The following SESN1 variants were observed in gnomAD, a reference collection of about 807,000 sequenced individuals.
The protein encoded by SESN1 is sestrin 1, also known as sestrin-1.
In SESN1, 30 loss-of-function variants were observed where a neutral mutation model predicts 59.3. That is an observed-to-expected ratio of 0.51 (90% CI 0.38 to 0.69). SESN1 has a LOEUF of 0.69. Among genes scored for constraint, SESN1 ranks in the 30% least tolerant of loss-of-function variants. The pLI, the probability that SESN1 is intolerant of heterozygous loss-of-function variation, is 0.00. For synonymous variants in SESN1, 197 were observed against 219.9 expected, an observed-to-expected ratio of 0.90 and a Z score of 0.92; for missense variants, 566 against 673.0, an observed-to-expected ratio of 0.84 and a Z score of 1.76.
intron 1 of SESN1, among the ~76,000 whole-genome samples, chr6:109,083,011 G>A (rs769446991): frequency 1.3e-5 from 2 of 152,022 alleles, no homozygotes; most frequent in Admixed American, 1.3e-4. Flanking sequence ...CAAACCCACT[G>A]TATGAAGTAT....
intron 1 of SESN1, among the ~76,000 whole-genome samples, chr6:109,052,988 T>G (rs1780567381): frequency 6.6e-6 from 1 of 152,072 alleles, no homozygotes. Context: ...ATGTTAGGAA[T>G]AAGAGGTATA....
intron 7 of SESN1, 83 bp from the exon 8 acceptor site, chr6:108,990,918 C>T (rs1779362598): frequency 4.1e-6 from 5 of 1,228,378 alleles, no homozygotes; most frequent in Non-Finnish European, 5.6e-6. Flanking sequence ...TGGTAAAAAT[C>T]ATTGTCATTT....
At chr6:109,044,311 C>CAAAAAAAAAAAAAAAAAAAAAAAAAAA (rs71015570) in intron 1 of SESN1, among the ~76,000 whole-genome samples, 2 of 28,458 alleles carry the variant, frequency 7.0e-5, no homozygotes, top group Non-Finnish European at 1.1e-4. Context: ...GAACTTGCCT[C>CAAAAAAAAAAAAAAAAAAAAAAAAAAA]AAAAAAAAAA....
chr6:109,046,035 A>G (rs1401816986), intron 1 of SESN1, among the ~76,000 whole-genome samples: 1 of 152,242 alleles, frequency 6.6e-6, no homozygotes, highest in Non-Finnish European at 1.5e-5. Context: ...ACTTTGGAAC[A>G]TAAGTAAAAA....
intron 1 of SESN1, among the ~76,000 whole-genome samples, chr6:109,081,338 T>G (rs1781119000): frequency 2.0e-5 from 3 of 152,200 alleles, no homozygotes; most frequent in Admixed American, 2.0e-4. Flanking sequence ...AACCCTGGGA[T>G]CACAGGTGTG....
chr6:109,052,448 T>C (rs1780555976), intron 1 of SESN1, among the ~76,000 whole-genome samples: 1 of 152,198 alleles, frequency 6.6e-6, no homozygotes, highest in Non-Finnish European at 1.5e-5. Context: ...AACACACTGG[T>C]ATATTTACTT....
chr6:108,989,375 C>G (rs1254767675), intron 8 of SESN1, among the ~76,000 whole-genome samples: 1 of 151,816 alleles, frequency 6.6e-6, no homozygotes, highest in Non-Finnish European at 1.5e-5. Flanking sequence ...GTTATTGGTA[C>G]TAGTACTTTC....
At chr6:109,048,581 G>C (rs1288992223) in intron 1 of SESN1, among the ~76,000 whole-genome samples, 1 of 152,156 alleles carries the variant, frequency 6.6e-6, no homozygotes, top group African/African-American at 2.4e-5. Flanking sequence ...CCTCTGAGAG[G>C]AGTGAACTCC....
chr6:109,000,346 C>A, intron 4 of SESN1, 145 bp downstream of exon 4: 1 of 521,840 alleles, frequency 1.9e-6, no homozygotes, highest in Non-Finnish European at 3.2e-6. Context: ...AATGCTGTAA[C>A]AGAAGAAAAT....
At chr6:109,085,872 A>G (rs951023042) in intron 1 of SESN1, among the ~76,000 whole-genome samples, 4 of 152,184 alleles carry the variant, frequency 2.6e-5, no homozygotes, top group Admixed American at 2.6e-4. Context: ...CACTTTAAGC[A>G]CGCTGCCCTC....
intron 1 of SESN1, among the ~76,000 whole-genome samples, chr6:109,023,301 C>A (rs540054781): frequency 9.9e-5 from 15 of 152,174 alleles, no homozygotes; most frequent in Non-Finnish European, 2.2e-4. Flanking sequence ...ATTAAGGACA[C>A]ATTATCATAA....
Position 108,998,758 on chromosome 6 carries a change from T to C in SESN1, c.730-3A>G. ...TGCTCTTCAGCTTTTAAAAGTCCCT[T>C]AGGGGGAAAAAAAAAAAGAATATAT... On this transcript the variant is annotated splice_region_variant and splice_polypyrimidine_tract_variant and intron_variant, in intron 4 of 9. Coordinates refer to ENST00000436639, the MANE Select transcript of SESN1 (RefSeq NM_014454.3). The C allele has an allele frequency of 6.3e-7, 1 of 1,596,296 alleles. No individual in the cohort carries two copies. The highest frequency in any genetic ancestry group is 8.5e-7 in the Non-Finnish European group (1 of 1,170,474).
intron 1 of SESN1, among the ~76,000 whole-genome samples, chr6:109,005,571 A>G (rs1779715810): frequency 6.6e-6 from 1 of 152,222 alleles, no homozygotes; most frequent in African/African-American, 2.4e-5. Flanking sequence ...TAGGTTTACA[A>G]TTCCAAGAAG....
chr6:109,052,453 T>C (rs1224544912), intron 1 of SESN1, among the ~76,000 whole-genome samples: 2 of 152,214 alleles, frequency 1.3e-5, no homozygotes, highest in Admixed American at 6.5e-5. Context: ...ACTGGTATAT[T>C]TACTTTCAGT....
At chr6:109,077,759 A>G (rs1781054676) in intron 1 of SESN1, among the ~76,000 whole-genome samples, 1 of 152,180 alleles carries the variant, frequency 6.6e-6, no homozygotes, top group Non-Finnish European at 1.5e-5. Flanking sequence ...CATTATAGTG[A>G]GTGGGTTCAT....
intron 1 of SESN1, among the ~76,000 whole-genome samples, chr6:109,022,527 A>G (rs1488558603): frequency 7.3e-6 from 1 of 137,042 alleles, no homozygotes; most frequent in African/African-American, 2.8e-5. Flanking sequence ...GGTTCATGCC[A>G]TTCTCCTGCC....
At chr6:108,994,668 C>A in intron 5 of SESN1, 59 bp from the exon 6 acceptor site, 107 of 671,370 alleles carry the variant, frequency 1.6e-4, no homozygotes, top group Non-Finnish European at 2.3e-4. Flanking sequence ...TATGAATTAT[C>A]TTTTAAGTCT....
Position 109,009,119 on chromosome 6 carries a change from C to T in SESN1, c.280-6776G>A, listed in dbSNP as rs572928160. 70 of 708,616 alleles carry T rather than the reference C, an allele frequency of 9.9e-5. No homozygotes were observed. The South Asian group carries it at 3.2e-3, about 32-fold the overall frequency. 43.9% of individuals were successfully genotyped at this position (708,616 alleles called of 1,614,324 possible). A position where few individuals can be genotyped will look rare whatever the true frequency, so the allele number is the denominator to read the frequency against. On this transcript the variant is annotated intron_variant, in intron 1 of 9. Coordinates refer to ENST00000436639, the MANE Select transcript of SESN1 (RefSeq NM_014454.3). ...TCTCTCCCAGCTTAGCATTTTCTGC[C>T]CAGGGACGACTCACGGTGCGCAGGT...
At chr6:109,027,390 T>C (rs536523497) in intron 1 of SESN1, among the ~76,000 whole-genome samples, 1 of 149,870 alleles carries the variant, frequency 6.7e-6, no homozygotes, top group Admixed American at 6.7e-5. Flanking sequence ...GGCAGGAGAA[T>C]TGCTTGAACC....
Sources: gnomAD v4.1 joint callset for allele counts (sites outside exome capture counted in the v4.1 genomes callset) on GRCh38, gnomAD v4.1.1 for gene constraint, MANE v1.5 for transcripts, NCBI Gene and HGNC (gene_info 2026-07-23, HGNC 2026-07-21) for gene names.